MAD1L1: variants seen among roughly 807,000 people sequenced by gnomAD.
MAD1L1 encodes the protein mitotic arrest deficient 1 like 1, also known as mitotic spindle assembly checkpoint protein MAD1.
Under a neutral mutation model 96.9 loss-of-function variants are expected in MAD1L1, and 95 were observed. The ratio of observed to expected loss-of-function variants is 0.98; its 90% CI spans 0.83 to 1.16. MAD1L1 has a LOEUF of 1.16. Among genes scored for constraint, MAD1L1 ranks in the 50% most tolerant of loss-of-function variants. The pLI is 0.00. For missense variants in MAD1L1, 1,007 were observed against 954.4 expected (o/e 1.06, Z -0.73); for synonymous variants, 473 against 396.6 (o/e 1.19, Z -2.29).
intron 11 of MAD1L1, among the ~76,000 whole-genome samples, chr7:2,110,904 A>G (rs1479637274): frequency 6.6e-6 from 1 of 152,124 alleles, no homozygotes; most frequent in African/African-American, 2.4e-5. Flanking sequence ...AGAGCCGAGG[A>G]GATGACGGCG....
rs1257459244 is a variant in MAD1L1 at position 2,114,889 on chromosome 7, C to T, written c.1073+34263G>A. The stretch of plus-strand genomic sequence containing the variant: ...GTTCTGGGATCTCGGTAAGAATCTG[C>T]TTTGCAAACACAAGGGCCTCGAAGC... On this transcript the variant is annotated intron_variant, in intron 11 of 18. Coordinates refer to ENST00000265854, the MANE Select transcript of MAD1L1 (RefSeq NM_001013836.2). This position sits in a 1 kb window ranked among gnomAD's most constrained non-coding sequence, Gnocchi z 4.2. Among the ~76,000 whole-genome samples the T allele has an allele frequency of 6.6e-6, 1 of 152,200 alleles. No individual in the cohort carries two copies. The highest frequency in any genetic ancestry group is 2.4e-5 in the African/African-American group (1 of 41,450).
intron 18 of MAD1L1, among the ~76,000 whole-genome samples, chr7:1,818,177 C>T (rs181647757): frequency 5.2e-4 from 79 of 152,170 alleles, no homozygotes; most frequent in Non-Finnish European, 5.3e-4. Flanking sequence ...CTGCAGCTGC[C>T]GGGCAGGGGT....
intron 18 of MAD1L1, among the ~76,000 whole-genome samples, chr7:1,860,418 A>G (rs1784486797): frequency 1.4e-5 from 2 of 139,684 alleles, no homozygotes; most frequent in Admixed American, 7.1e-5. Context: ...TAGACCTGAC[A>G]TCCTGTGGTG....
chr7:1,936,745 G>A lies in MAD1L1; in HGVS notation c.1749C>T (p.Thr583=), dbSNP rs369160876. 366 of 1,566,540 alleles carry A rather than the reference G, an allele frequency of 2.3e-4. 1 individual carries two copies. In the African/African-American group the frequency reaches 2.7e-3, roughly 11 times the overall value. The change falls in exon 17 of 19, where the codon ACC becomes ACT. Residue 583 remains threonine (T), a synonymous_variant. Transcript: ENST00000265854. The part of the protein sequence containing the change: ...GLLRAMERGG[T]VPADLEAAAA... Reference sequence around the variant, plus strand: ...CGGCAGCCTCAAGGTCGGCTGGGACGGTGCCTCCTCTCTCCATGGCGCGCA... The same window carrying A: ...CGGCAGCCTCAAGGTCGGCTGGGACAGTGCCTCCTCTCTCCATGGCGCGCA...
chr7:1,966,721 C>A (rs973046105), intron 15 of MAD1L1, among the ~76,000 whole-genome samples: 2 of 152,200 alleles, frequency 1.3e-5, no homozygotes, highest in Admixed American at 1.3e-4. Flanking sequence ...ACTGTGTGAC[C>A]TCAAAGGGAA....
intron 13 of MAD1L1, among the ~76,000 whole-genome samples, chr7:2,004,357 T>C (rs1300996850): frequency 6.6e-6 from 1 of 152,204 alleles, no homozygotes; most frequent in Non-Finnish European, 1.5e-5. Flanking sequence ...CGGCACACTG[T>C]CCTGGGCACA....
At position 1,968,244 on chromosome 7, in the gene MAD1L1, GGTCCACCGTCAACACCAGCGGTCTT is replaced by G. The variant is rs1240358453; in HGVS notation, c.1506-10550_1506-10526del. 6.6e-6 allele frequency among the ~76,000 whole-genome samples: 1 copy of G among 151,892 alleles called. No homozygotes were observed. The highest frequency in any genetic ancestry group is 6.6e-5 in the Admixed American group (1 of 15,260). On this transcript the variant is annotated intron_variant, in intron 15 of 18. Transcript: ENST00000265854. The surrounding 1 kb of genome is among the most constrained non-coding windows in gnomAD (Gnocchi z 5.6). ...CGTCGACGCCTCAGTCCGGCGGTCA[GGTCCACCGTCAACACCAGCGGTCTT>G]GTCCACATCAACGCCTCAGTCCAGC...
chr7:2,000,922 C>T (rs994130298), intron 14 of MAD1L1, among the ~76,000 whole-genome samples: 5 of 152,206 alleles, frequency 3.3e-5, no homozygotes, highest in African/African-American at 9.6e-5. Context: ...ACAGCCCTCG[C>T]CCATTCCCAG....
intron 16 of MAD1L1, among the ~76,000 whole-genome samples, chr7:1,951,688 C>T (rs1012706492): frequency 6.6e-6 from 1 of 152,138 alleles, no homozygotes. Context: ...AATCACATAG[C>T]CTGTGTCCTT....
chr7:2,079,973 CGTCTCCCGAGGTCA>C (rs770215453), intron 11 of MAD1L1: 75 of 334,812 alleles, frequency 2.2e-4, no homozygotes, highest in Non-Finnish European at 3.7e-4. Context: ...ACACATCTAC[CGTCTCCCGAGGTCA>C]GAGAGAAGGA....
At chr7:1,838,687 T>C (rs1783065774) in intron 18 of MAD1L1, 2 of 421,238 alleles carry the variant, frequency 4.7e-6, no homozygotes, top group South Asian at 3.5e-5. Context: ...AGGATGGCTA[T>C]GGGGCACGTT....
chr7:1,979,167 T>G (rs915714598), intron 15 of MAD1L1, among the ~76,000 whole-genome samples: 1 of 152,150 alleles, frequency 6.6e-6, no homozygotes, highest in African/African-American at 2.4e-5. Context: ...CAGAGGCTGC[T>G]GCCGCGGGGG....
At chr7:2,073,928 A>C (rs1033635109) in intron 11 of MAD1L1, among the ~76,000 whole-genome samples, 2 of 152,224 alleles carry the variant, frequency 1.3e-5, no homozygotes, top group Non-Finnish European at 2.9e-5. Context: ...GGCCCGCGTC[A>C]TCAGGGCCAC....
At chr7:1,899,201 C>T (rs575291088) in intron 17 of MAD1L1, among the ~76,000 whole-genome samples, 1 of 152,336 alleles carries the variant, frequency 6.6e-6, no homozygotes, top group African/African-American at 2.4e-5. Context: ...AGGAGGATAA[C>T]AGCGATTATC....
intron 18 of MAD1L1, among the ~76,000 whole-genome samples, chr7:1,854,699 T>C (rs931411101): frequency 3.7e-4 from 56 of 152,120 alleles, no homozygotes; most frequent in African/African-American, 1.3e-3. Flanking sequence ...ATCCTGCCCC[T>C]GTCCCCACAG....
intron 18 of MAD1L1, among the ~76,000 whole-genome samples, chr7:1,865,447 G>A (rs1401923609): frequency 6.6e-6 from 1 of 152,238 alleles, no homozygotes; most frequent in Non-Finnish European, 1.5e-5. Flanking sequence ...AGCTTTCAGA[G>A]GTCTCAGGAC....
At chr7:2,063,539 G>A (rs1314755324) in intron 12 of MAD1L1, among the ~76,000 whole-genome samples, 2 of 152,222 alleles carry the variant, frequency 1.3e-5, no homozygotes, top group African/African-American at 2.4e-5. Flanking sequence ...AAACAACAGC[G>A]CTTGCCTCTG....
intron 18 of MAD1L1, among the ~76,000 whole-genome samples, chr7:1,818,308 G>C (rs1187908651): frequency 6.6e-6 from 1 of 152,126 alleles, no homozygotes; most frequent in Non-Finnish European, 1.5e-5. Flanking sequence ...CTGGACCAGA[G>C]AATAGCTGTT....
At chr7:1,922,566 G>A (rs958164976) in intron 17 of MAD1L1, among the ~76,000 whole-genome samples, 2 of 152,170 alleles carry the variant, frequency 1.3e-5, no homozygotes, top group African/African-American at 4.8e-5. Context: ...TGTGATTTTC[G>A]ACATAATCAC....
Sources: gnomAD v4.1 joint callset for allele counts (sites outside exome capture counted in the v4.1 genomes callset) on GRCh38, gnomAD v4.1.1 for gene constraint, Gnocchi (gnomAD v3.1) non-coding constraint, MANE v1.5 for transcripts, NCBI Gene and HGNC (gene_info 2026-07-23, HGNC 2026-07-21) for gene names.